Variants in CLYBL observed in about 807,000 individuals in gnomAD.
The protein encoded by CLYBL is citramalyl-CoA lyase, mitochondrial.
CLYBL carries 31 observed loss-of-function variants against 38.9 expected under a neutral mutation model. That is an observed-to-expected ratio of 0.80 (90% CI 0.60 to 1.08). The LOEUF is 1.08. CLYBL is among the 50% of genes least tolerant of loss of function. CLYBL has a pLI of 0.00. For synonymous variants in CLYBL, 171 were observed against 158.6 expected (o/e 1.08, Z -0.59); for missense variants, 434 against 411.6 (o/e 1.05, Z -0.47).
At chr13:99,843,930 T>C (rs2051140809) in intron 2 of CLYBL, among the ~76,000 whole-genome samples, 1 of 152,216 alleles carries the variant, frequency 6.6e-6, no homozygotes, top group South Asian at 2.1e-4. Flanking sequence ...CCATAGGGAA[T>C]TGGCCTATCC....
chr13:99,844,134 G>C (rs56711606), intron 2 of CLYBL, among the ~76,000 whole-genome samples: 1 of 152,146 alleles, frequency 6.6e-6, no homozygotes, highest in South Asian at 2.1e-4. Context: ...AAACAAAACA[G>C]TTTATTACAG....
intron 2 of CLYBL, among the ~76,000 whole-genome samples, chr13:99,787,054 GT>G (rs1416105342): frequency 1.3e-5 from 2 of 151,880 alleles, no homozygotes; most frequent in Non-Finnish European, 2.9e-5. Context: ...TGATGGGGTT[GT>G]TTTTTTCTTG....
At chr13:99,666,145 A>T (rs1012463300) in intron 1 of CLYBL, among the ~76,000 whole-genome samples, 8 of 152,098 alleles carry the variant, frequency 5.3e-5, no homozygotes, top group Non-Finnish European at 1.2e-4. Flanking sequence ...GCTTTGGAAT[A>T]TTTTTGAGGC....
At chr13:99,798,191 C>T (rs1397592401) in intron 2 of CLYBL, among the ~76,000 whole-genome samples, 1 of 152,214 alleles carries the variant, frequency 6.6e-6, no homozygotes, top group East Asian at 1.9e-4. Flanking sequence ...AGAAACGTCT[C>T]TGTTTCACTG....
chr13:99,635,765 C>T (rs1448293236), intron 1 of CLYBL, among the ~76,000 whole-genome samples: 2 of 152,282 alleles, frequency 1.3e-5, no homozygotes, highest in South Asian at 2.1e-4. Flanking sequence ...CTGGTCTTTC[C>T]ATTTACTGGC....
chr13:99,645,951 C>A (rs1432255548), intron 1 of CLYBL, among the ~76,000 whole-genome samples: 2 of 152,136 alleles, frequency 1.3e-5, no homozygotes, highest in African/African-American at 4.8e-5. Context: ...GAATAAGCCA[C>A]CAGCAATGTC....
chr13:99,712,649 T>C (rs2048253559), intron 1 of CLYBL, among the ~76,000 whole-genome samples: 1 of 152,130 alleles, frequency 6.6e-6, no homozygotes, highest in African/African-American at 2.4e-5. Flanking sequence ...ACCTGGCCAG[T>C]GATTGACTCT....
chr13:99,755,460 G>C (rs1027722904), intron 1 of CLYBL, among the ~76,000 whole-genome samples: 1 of 152,056 alleles, frequency 6.6e-6, no homozygotes, highest in Non-Finnish European at 1.5e-5. Flanking sequence ...CTGCAGACAG[G>C]GCAGCTCCTG....
At chr13:99,692,002 G>A (rs1417533624) in intron 1 of CLYBL, among the ~76,000 whole-genome samples, 1 of 152,174 alleles carries the variant, frequency 6.6e-6, no homozygotes, top group Non-Finnish European at 1.5e-5. Flanking sequence ...AGTAATAACA[G>A]TTTCAGAACG....
At chr13:99,905,447 G>C (rs1016174257) in intron 9 of CLYBL, among the ~76,000 whole-genome samples, 2 of 152,100 alleles carry the variant, frequency 1.3e-5, no homozygotes, top group Admixed American at 6.5e-5. Flanking sequence ...TGGCCAAAAG[G>C]GTGTCTTGAA....
At chr13:99,614,945 C>T (rs983510109) in intron 1 of CLYBL, among the ~76,000 whole-genome samples, 5 of 152,210 alleles carry the variant, frequency 3.3e-5, no homozygotes, top group African/African-American at 1.2e-4. Flanking sequence ...AAATAACTCT[C>T]CTTAGTGCCC....
chr13:99,793,996 T>C (rs991925456), intron 2 of CLYBL, among the ~76,000 whole-genome samples: 8 of 152,196 alleles, frequency 5.3e-5, no homozygotes, highest in Non-Finnish European at 1.2e-4. Flanking sequence ...TTCGAGACTA[T>C]GGTGAAAATC....
At chr13:99,689,132 A>C (rs1475671374) in intron 1 of CLYBL, among the ~76,000 whole-genome samples, 1 of 152,196 alleles carries the variant, frequency 6.6e-6, no homozygotes, top group Non-Finnish European at 1.5e-5. Flanking sequence ...GGGACTTCAC[A>C]TAAATTCATC....
chr13:99,885,934 C>T (rs1328558794), intron 7 of CLYBL, among the ~76,000 whole-genome samples: 1 of 152,192 alleles, frequency 6.6e-6, no homozygotes, highest in African/African-American at 2.4e-5. Context: ...GTGGAAGGCA[C>T]AGCCAGGATC....
At chr13:99,731,806 T>G (rs2048596291) in intron 1 of CLYBL, among the ~76,000 whole-genome samples, 1 of 152,174 alleles carries the variant, frequency 6.6e-6, no homozygotes, top group Non-Finnish European at 1.5e-5. Flanking sequence ...ACCTCTTTGT[T>G]TCTAGCCAAG....
intron 1 of CLYBL, among the ~76,000 whole-genome samples, chr13:99,654,791 G>T (rs933957969): frequency 1.3e-5 from 2 of 152,136 alleles, no homozygotes; most frequent in African/African-American, 2.4e-5. Flanking sequence ...TGATCACGAG[G>T]TCAGGAGATC....
intron 1 of CLYBL, among the ~76,000 whole-genome samples, chr13:99,673,456 G>A (rs1474501068): frequency 6.6e-6 from 1 of 152,006 alleles, no homozygotes; most frequent in East Asian, 1.9e-4. Context: ...AAGGAAATGA[G>A]GGGAGGCAGG....
intron 2 of CLYBL, among the ~76,000 whole-genome samples, chr13:99,777,969 G>A (rs2049558422): frequency 2.0e-5 from 3 of 152,208 alleles, no homozygotes; most frequent in Admixed American, 6.5e-5. Context: ...CAGCTCACCT[G>A]CTCGTGTATG....
At chr13:99,749,103 C>T (rs1279965420) in intron 1 of CLYBL, among the ~76,000 whole-genome samples, 1 of 151,776 alleles carries the variant, frequency 6.6e-6, no homozygotes, top group African/African-American at 2.4e-5. Flanking sequence ...TTACTTGAAC[C>T]CTGGAAGTGG....
Sources: allele counts gnomAD v4.1 joint callset (sites outside exome capture counted in the v4.1 genomes callset), GRCh38; gene constraint gnomAD v4.1.1; transcripts MANE v1.5; gene names NCBI Gene and HGNC (gene_info 2026-07-23, HGNC 2026-07-21).